FRMPD3: variants seen among roughly 807,000 people sequenced by gnomAD.
The protein encoded by FRMPD3 is FERM and PDZ domain-containing protein 3.
In FRMPD3, 42 loss-of-function variants were observed where a neutral mutation model predicts 97.9. That is an observed-to-expected ratio of 0.43 (90% CI 0.34 to 0.55). The LOEUF is 0.55. FRMPD3 is among the 20% of genes least tolerant of loss of function. FRMPD3 has a pLI of 0.03. For synonymous variants in FRMPD3, 577 were observed against 581.1 expected, an observed-to-expected ratio of 0.99 and a Z score of 0.10; for missense variants, 1,303 against 1,457.7, an observed-to-expected ratio of 0.89 and a Z score of 1.73.
intron 1 of FRMPD3, among the ~76,000 whole-genome samples, chrX:107,468,482 C>T (rs939481432): frequency 8.9e-6 from 1 of 111,854 alleles, no homozygotes; most frequent in African/African-American, 3.3e-5. Context: ...TAAAAGTGAA[C>T]AAATAAATAA....
rs1361499533 is a variant in FRMPD3, at chrX:107,602,195, C to G, written c.4156C>G (p.Pro1386Ala). The change falls in exon 15 of 15, where the codon CCC (proline) becomes GCC (alanine). Residue 1386 changes from proline (P) to alanine (A), a missense_variant. Physicochemically the swap from Pro to Ala is conservative, Grantham distance 27 (BLOSUM62 -1). Transcript: ENST00000683843. Reference sequence around the variant, plus strand: ...CTCGGGGGGCGAGTGTCTGGGAGCTCCCAATTACAGGAAACTGATGCGCCG... The same window carrying G: ...CTCGGGGGGCGAGTGTCTGGGAGCTGCCAATTACAGGAAACTGATGCGCCG... ...CASGGECLGAPNYRKLMRRYS... is the reference protein window; with the variant it reads ...CASGGECLGAANYRKLMRRYS... The G allele has an allele frequency of 1.7e-6, 2 of 1,210,715 alleles. No individual in the cohort carries two copies. Among genetic ancestry groups the G allele is most frequent in the Admixed American group, 4.3e-5 (2 of 46,038 alleles).
chrX:107,598,197 C>A, intron 14 of FRMPD3, 55 bp downstream of exon 14: 8 of 1,012,928 alleles, frequency 7.9e-6, no homozygotes, highest in Non-Finnish European at 1.1e-5. Flanking sequence ...CCAACAAGGG[C>A]CAGTAGGTAA....
At chrX:107,557,348 A>G (rs1227968455) in intron 8 of FRMPD3, among the ~76,000 whole-genome samples, 1 of 110,232 alleles carries the variant, frequency 9.1e-6, no homozygotes, top group African/African-American at 3.3e-5. Context: ...AGTTCTTTAT[A>G]TACTCTGGAT....
intron 1 of FRMPD3, among the ~76,000 whole-genome samples, chrX:107,514,635 C>T (rs778773542): frequency 3.5e-3 from 383 of 108,630 alleles, no homozygotes; most frequent in African/African-American, 0.012. Flanking sequence ...AAGTGATTCT[C>T]CTGCCTCAGC....
At chrX:107,511,076 C>T (rs1033830550) in intron 1 of FRMPD3, among the ~76,000 whole-genome samples, 4 of 112,194 alleles carry the variant, frequency 3.6e-5, no homozygotes, top group Admixed American at 9.4e-5. Flanking sequence ...ACTGGCCTGC[C>T]CCTCTCTTCA....
chrX:107,504,864 T>A (rs148250028), intron 1 of FRMPD3, among the ~76,000 whole-genome samples: 110 of 112,053 alleles, frequency 9.8e-4, no homozygotes, highest in African/African-American at 3.2e-3. Flanking sequence ...AAGAGGAGAT[T>A]GCCATTGCCA....
intron 1 of FRMPD3, among the ~76,000 whole-genome samples, chrX:107,526,075 C>CA (rs970586191): frequency 4.6e-5 from 5 of 107,596 alleles, no homozygotes; most frequent in South Asian, 4.1e-4. Flanking sequence ...GACTCTGTCT[C>CA]AAAAAAAATA....
chrX:107,473,882 G>A (rs768503621), intron 1 of FRMPD3, among the ~76,000 whole-genome samples: 11 of 112,031 alleles, frequency 9.8e-5, no homozygotes, highest in Admixed American at 3.8e-4. Flanking sequence ...TCAGGAGTTC[G>A]AGACCAGCCT....
chrX:107,482,936 A>G (rs771874740), intron 1 of FRMPD3, among the ~76,000 whole-genome samples: 1 of 112,025 alleles, frequency 8.9e-6, no homozygotes, highest in East Asian at 2.8e-4. Context: ...AACTCCCTCA[A>G]AAAGAAAAAG....
At chrX:107,594,926 A>G (rs1408246841) in intron 13 of FRMPD3, among the ~76,000 whole-genome samples, 1 of 112,399 alleles carries the variant, frequency 8.9e-6, no homozygotes, top group East Asian at 2.8e-4. Context: ...CTTTAGCTAG[A>G]TCCCATAAAT....
At chrX:107,546,341 A>G (rs980917022) in intron 5 of FRMPD3, among the ~76,000 whole-genome samples, 2 of 111,913 alleles carry the variant, frequency 1.8e-5, no homozygotes, top group East Asian at 2.8e-4. Context: ...TTTATTAGGC[A>G]CCTGCTATGT....
intron 11 of FRMPD3, among the ~76,000 whole-genome samples, chrX:107,563,420 C>T (rs984750480): frequency 1.8e-5 from 2 of 111,766 alleles, no homozygotes; most frequent in Non-Finnish European, 3.8e-5. Flanking sequence ...TCCTCTTCCT[C>T]GATTTGGGGG....
intron 1 of FRMPD3, among the ~76,000 whole-genome samples, chrX:107,522,926 C>CG (rs1279992975): frequency 1.3e-5 from 1 of 75,966 alleles, no homozygotes; most frequent in Admixed American, 1.7e-4. Context: ...CGTGGGGTGG[C>CG]GGGGGGTGGG....
chrX:107,522,303 A>T, intron 1 of FRMPD3: 1 of 489,620 alleles, frequency 2.0e-6, no homozygotes, highest in African/African-American at 2.3e-5. Context: ...AACCTTCCTA[A>T]GTGCTTCTGT....
At chrX:107,473,885 A>G (rs889984816) in intron 1 of FRMPD3, among the ~76,000 whole-genome samples, 3 of 112,048 alleles carry the variant, frequency 2.7e-5, no homozygotes, top group Non-Finnish European at 5.6e-5. Flanking sequence ...GGAGTTCGAG[A>G]CCAGCCTGGC....
At chrX:107,545,612 T>A in intron 4 of FRMPD3, 125 bp from the exon 5 acceptor site, 1 of 478,301 alleles carries the variant, frequency 2.1e-6, no homozygotes, top group Non-Finnish European at 3.5e-6. Context: ...AATTAATATT[T>A]GTTTATTGAC....
chrX:107,509,813 A>G (rs1213801461), intron 1 of FRMPD3, among the ~76,000 whole-genome samples: 1 of 111,232 alleles, frequency 9.0e-6, no homozygotes, highest in Non-Finnish European at 1.9e-5. Context: ...GTCTGTTTAC[A>G]TACCTGCCTC....
In FRMPD3 at chrX:107,600,756, C is replaced by G; in HGVS notation, c.2717C>G (p.Thr906Ser). The G allele has an allele frequency of 8.3e-7, 1 of 1,205,159 alleles. No homozygotes were observed. The highest frequency in any genetic ancestry group is 1.8e-5 in the South Asian group (1 of 55,847). Residue 906 changes from threonine (T) to serine (S), a missense_variant, in exon 15 of 15, where the codon ACT becomes AGT. Physicochemically the swap from Thr to Ser is moderately conservative, Grantham distance 58. This residue lies in a region of FRMPD3 where 764 missense variants were observed against 820.2 expected (regional missense o/e 0.93). Coordinates refer to ENST00000683843, the MANE Select transcript of FRMPD3 (RefSeq NM_001388459.1). ...PVPEDKGPGHTRAGLEMSLRA... is the reference protein window; with the variant it reads ...PVPEDKGPGHSRAGLEMSLRA... ...CCTGAGGACAAAGGGCCTGGCCACA[C>G]TAGGGCAGGCCTAGAAATGTCACTG... is the stretch of plus-strand genomic sequence containing the variant.
At chrX:107,517,759 G>A (rs1221130401) in intron 1 of FRMPD3, among the ~76,000 whole-genome samples, 23 of 73,144 alleles carry the variant, frequency 3.1e-4, no homozygotes, top group Non-Finnish European at 5.5e-4. Context: ...GAAACTCTGG[G>A]AAAAAAAAAA....
Sources: gnomAD v4.1 joint callset for allele counts (sites outside exome capture counted in the v4.1 genomes callset) on GRCh38, gnomAD v4.1.1 for gene constraint, gnomAD v4.1.1 regional missense constraint, MANE v1.5 for transcripts, NCBI Gene and HGNC (gene_info 2026-07-23, HGNC 2026-07-21) for gene names.